TTC1: variants seen among roughly 807,000 people sequenced by gnomAD.
TTC1 encodes tetratricopeptide repeat domain 1.
TTC1 carries 31 observed loss-of-function variants against 37.6 expected under a neutral mutation model. The observed-to-expected ratio is 0.82, with a 90% confidence interval of 0.62 to 1.11. The LOEUF is 1.11. TTC1 is among the 50% of genes most tolerant of loss of function. The pLI is 0.00. For synonymous variants in TTC1, 127 were observed against 122.4 expected (o/e 1.04, Z -0.25); for missense variants, 351 against 339.0 (o/e 1.04, Z -0.28).
At chr5:160,011,661 T>A (rs1756504304) in intron 2 of TTC1, among the ~76,000 whole-genome samples, 1 of 152,256 alleles carries the variant, frequency 6.6e-6, no homozygotes, top group East Asian at 1.9e-4. Context: ...TTCTTTGCCC[T>A]GGGGCCACAC....
intron 7 of TTC1, among the ~76,000 whole-genome samples, chr5:160,060,468 C>T (rs140600778): frequency 1.0e-3 from 152 of 152,238 alleles, no homozygotes; most frequent in African/African-American, 3.3e-3. Flanking sequence ...GTCTGATAGA[C>T]GAGATCCTAA....
chr5:160,058,719 G>A (rs988681945), intron 7 of TTC1, among the ~76,000 whole-genome samples: 2 of 152,088 alleles, frequency 1.3e-5, no homozygotes, highest in African/African-American at 4.8e-5. Context: ...CCAATGAAGT[G>A]TATTTCTTAA....
Position 160,046,159 on chromosome 5 carries a change from G to A in TTC1, c.541+2990G>A, listed in dbSNP as rs1219794395. On this transcript the variant is annotated intron_variant, in intron 5 of 7. Coordinates refer to ENST00000231238, the MANE Select transcript of TTC1 (RefSeq NM_003314.3). ...GTCTATACTTGGCTGTCTCTACTTT[G>A]TCTTATCCTATTTTTCTCCTTACTT... Among the ~76,000 whole-genome samples the A allele has an allele frequency of 2.0e-5, 3 of 152,090 alleles. No individual in the cohort carries two copies. In the East Asian group the frequency reaches 5.8e-4, roughly 29 times the overall value.
At chr5:160,038,316 C>G (rs1757030222) in intron 4 of TTC1, among the ~76,000 whole-genome samples, 1 of 152,182 alleles carries the variant, frequency 6.6e-6, no homozygotes, top group African/African-American at 2.4e-5. Flanking sequence ...CTGGAAAATT[C>G]TGATCTTTTA....
chr5:160,023,793 T>A lies in TTC1; in HGVS notation c.331-11347T>A, dbSNP rs1037319635. On this transcript the variant is annotated intron_variant, in intron 2 of 7. Coordinates refer to ENST00000231238, the MANE Select transcript of TTC1 (RefSeq NM_003314.3). ...GCCTTGCTGTCTTTTGATGTGTGCC[T>A]TGCCCTCTTGCCTGTATCATTCTCA... 1.9e-6 allele frequency: 3 copies of A among 1,613,474 alleles called. No individual in the cohort carries two copies. The African/African-American group carries it at 4.0e-5, about 22-fold the overall frequency.
chr5:160,028,819 C>T (rs531359820), intron 2 of TTC1, among the ~76,000 whole-genome samples: 83 of 152,168 alleles, frequency 5.5e-4, no homozygotes, highest in Middle Eastern at 3.4e-3. Flanking sequence ...TTGACAACCT[C>T]CTTACTTCAC....
chr5:160,016,782 C>T (rs1048736593), intron 2 of TTC1, among the ~76,000 whole-genome samples: 3 of 152,122 alleles, frequency 2.0e-5, no homozygotes, highest in Non-Finnish European at 4.4e-5. Flanking sequence ...AGTGCTATTC[C>T]GTACAGGGTC....
intron 7 of TTC1, among the ~76,000 whole-genome samples, chr5:160,056,379 C>A (rs1757547867): frequency 6.6e-6 from 1 of 152,198 alleles, no homozygotes; most frequent in African/African-American, 2.4e-5. Flanking sequence ...CACTAGCAAT[C>A]TGATGAGGGC....
At chr5:160,015,426 C>G (rs185817353) in intron 2 of TTC1, among the ~76,000 whole-genome samples, 53 of 152,194 alleles carry the variant, frequency 3.5e-4, no homozygotes, top group Admixed American at 1.9e-3. Context: ...AGGCTGGTCT[C>G]GAACTCCTGG....
At chr5:160,030,639 T>C (rs1334354612) in intron 2 of TTC1, among the ~76,000 whole-genome samples, 1 of 152,226 alleles carries the variant, frequency 6.6e-6, no homozygotes, top group Non-Finnish European at 1.5e-5. Context: ...CATTGGCTGT[T>C]TGGGGCTCTC....
chr5:160,018,479 G>C (rs1242752024), intron 2 of TTC1, among the ~76,000 whole-genome samples: 1 of 152,162 alleles, frequency 6.6e-6, no homozygotes, highest in Admixed American at 6.5e-5. Context: ...TGCAGACAAA[G>C]AGAGCAGTTG....
At chr5:160,016,585 A>G (rs543047899) in intron 2 of TTC1, among the ~76,000 whole-genome samples, 27 of 152,294 alleles carry the variant, frequency 1.8e-4, no homozygotes, top group African/African-American at 6.5e-4. Context: ...TTTGAGAGGT[A>G]TGATTATTAG....
At chr5:160,033,231 A>G (rs1276266187) in intron 2 of TTC1, among the ~76,000 whole-genome samples, 4 of 151,880 alleles carry the variant, frequency 2.6e-5, no homozygotes, top group Non-Finnish European at 5.9e-5. Flanking sequence ...CCATATTCTT[A>G]TATTTTATTT....
chr5:160,016,198 T>G (rs1756602777), intron 2 of TTC1, among the ~76,000 whole-genome samples: 2 of 152,074 alleles, frequency 1.3e-5, no homozygotes, highest in South Asian at 4.1e-4. Flanking sequence ...GCCAACATGG[T>G]GAAACCCCAT....
At chr5:160,032,074 T>C (rs1297767975) in intron 2 of TTC1, among the ~76,000 whole-genome samples, 1 of 152,238 alleles carries the variant, frequency 6.6e-6, no homozygotes, top group Non-Finnish European at 1.5e-5. Flanking sequence ...TTCTGTATAC[T>C]TGAGACGTGG....
intron 7 of TTC1, among the ~76,000 whole-genome samples, chr5:160,052,829 C>G (rs1343305412): frequency 6.6e-6 from 1 of 152,118 alleles, no homozygotes; most frequent in East Asian, 1.9e-4. Flanking sequence ...ATGTCATTCT[C>G]TTCATTTGAA....
intron 2 of TTC1, among the ~76,000 whole-genome samples, chr5:160,023,294 CTTTTTTT>C (rs774203414): frequency 1.1e-4 from 14 of 132,398 alleles, no homozygotes; most frequent in African/African-American, 3.8e-4. Context: ...GGTTTTCTTT[CTTTTTTT>C]TTTTTTTGGA....
intron 4 of TTC1, among the ~76,000 whole-genome samples, chr5:160,040,309 G>A (rs1472391366): frequency 6.6e-6 from 1 of 152,092 alleles, no homozygotes; most frequent in Non-Finnish European, 1.5e-5. Context: ...GCCATGAATG[G>A]ATCTTGCAGG....
At chr5:160,020,949 A>G (rs1043461818) in intron 2 of TTC1, among the ~76,000 whole-genome samples, 3 of 152,226 alleles carry the variant, frequency 2.0e-5, no homozygotes, top group Non-Finnish European at 4.4e-5. Flanking sequence ...GTTCCCCACA[A>G]GAGCAGTCCC....
Sources: gnomAD v4.1 joint callset for allele counts (sites outside exome capture counted in the v4.1 genomes callset) on GRCh38, gnomAD v4.1.1 for gene constraint, MANE v1.5 for transcripts, NCBI Gene and HGNC (gene_info 2026-07-23, HGNC 2026-07-21) for gene names.